TRDN: variants seen among roughly 807,000 people sequenced by gnomAD.
TRDN encodes triadin.
A neutral mutation model predicts 149.7 loss-of-function variants in TRDN; 161 were observed. The observed-to-expected ratio is 1.08, with a 90% CI of 0.95 to 1.23. The LOEUF is 1.23. Ranked by LOEUF, TRDN falls within the 50% of genes most tolerant of loss-of-function variation. TRDN has a pLI of 0.00. For missense variants in TRDN, 896 were observed against 823.5 expected (o/e 1.09, Z -1.08); for synonymous variants, 294 against 250.5 (o/e 1.17, Z -1.64).
At chr6:123,326,449 T>C (rs1215090271) in intron 23 of TRDN, among the ~76,000 whole-genome samples, 2 of 126,086 alleles carry the variant, frequency 1.6e-5, no homozygotes, top group Non-Finnish European at 3.4e-5. Flanking sequence ...GCTTCTAACA[T>C]GTTGAAGCAA....
chr6:123,464,630 T>C (rs1776678955), intron 10 of TRDN: 47 of 1,169,242 alleles, frequency 4.0e-5, no homozygotes, highest in Non-Finnish European at 5.0e-5. Context: ...TAGCCTTATC[T>C]ATTTGTCCCT....
chr6:123,228,763 C>T (rs546710302), intron 38 of TRDN, among the ~76,000 whole-genome samples: 65 of 151,966 alleles, frequency 4.3e-4, no homozygotes, highest in African/African-American at 1.6e-3. Context: ...CATTATGTTG[C>T]CTAACATACC....
intron 19 of TRDN, among the ~76,000 whole-genome samples, chr6:123,374,170 A>C (rs752433135): frequency 6.6e-6 from 1 of 152,184 alleles, no homozygotes; most frequent in Non-Finnish European, 1.5e-5. Flanking sequence ...ATGATTTGGC[A>C]AGCTAATTTG....
intron 10 of TRDN, among the ~76,000 whole-genome samples, chr6:123,461,798 A>G (rs1490498058): frequency 6.6e-6 from 1 of 152,178 alleles, no homozygotes; most frequent in Non-Finnish European, 1.5e-5. Flanking sequence ...CTTTCATGCT[A>G]AGAGCTAAAA....
chr6:123,593,584 C>T (rs1452574608), intron 1 of TRDN, among the ~76,000 whole-genome samples: 1 of 152,188 alleles, frequency 6.6e-6, no homozygotes, highest in Admixed American at 6.5e-5. Flanking sequence ...AAGCTTCTCT[C>T]TTTGGCTTGT....
At chr6:123,225,431 G>A (rs1038222941) in intron 38 of TRDN, among the ~76,000 whole-genome samples, 1 of 151,118 alleles carries the variant, frequency 6.6e-6, no homozygotes, top group Non-Finnish European at 1.5e-5. Flanking sequence ...TTCACTTCTG[G>A]GTATATATCC....
At chr6:123,557,518 C>T (rs796394061) in intron 2 of TRDN, among the ~76,000 whole-genome samples, 1 of 152,246 alleles carries the variant, frequency 6.6e-6, no homozygotes, top group African/African-American at 2.4e-5. Flanking sequence ...CTCTTAATTT[C>T]AGTTCCTTTC....
intron 1 of TRDN, among the ~76,000 whole-genome samples, chr6:123,573,002 T>G (rs1782658319): frequency 6.6e-6 from 1 of 152,104 alleles, no homozygotes; most frequent in Non-Finnish European, 1.5e-5. Context: ...TTTGTGCTCT[T>G]TGAAGACAGG....
chr6:123,527,875 AT>A (rs937131871), intron 5 of TRDN, among the ~76,000 whole-genome samples: 5 of 151,756 alleles, frequency 3.3e-5, no homozygotes, highest in Non-Finnish European at 7.4e-5. Flanking sequence ...ATAAAATAAA[AT>A]AAATTTCTAC....
At chr6:123,246,783 C>T (rs1229472460) in intron 38 of TRDN, among the ~76,000 whole-genome samples, 1 of 124,050 alleles carries the variant, frequency 8.1e-6, no homozygotes, top group African/African-American at 2.7e-5. Flanking sequence ...CTGGCAGAGA[C>T]ATAACAGAAA....
At chr6:123,594,670 A>G (rs1331557094) in intron 1 of TRDN, among the ~76,000 whole-genome samples, 1 of 152,072 alleles carries the variant, frequency 6.6e-6, no homozygotes, top group Non-Finnish European at 1.5e-5. Context: ...TTTATTCAAC[A>G]AAATCCACTA....
intron 9 of TRDN, among the ~76,000 whole-genome samples, chr6:123,494,678 G>A (rs1778359316): frequency 6.6e-6 from 1 of 152,150 alleles, no homozygotes; most frequent in South Asian, 2.1e-4. Flanking sequence ...TGTAGAGTAT[G>A]AATTTCTTGA....
chr6:123,497,112 TAC>T, intron 9 of TRDN, 79 bp downstream of exon 9: 4 of 1,086,164 alleles, frequency 3.7e-6, no homozygotes, highest in Non-Finnish European at 5.1e-6. Context: ...AAAATGAAAA[TAC>T]AGTTAGGTAC....
chr6:123,621,626 A>C (rs1208562254), intron 1 of TRDN, among the ~76,000 whole-genome samples: 1 of 152,134 alleles, frequency 6.6e-6, no homozygotes, highest in Non-Finnish European at 1.5e-5. Flanking sequence ...AACATAGATG[A>C]CTCTTATAAA....
At chr6:123,586,616 G>A (rs1202273268) in intron 1 of TRDN, among the ~76,000 whole-genome samples, 1 of 152,114 alleles carries the variant, frequency 6.6e-6, no homozygotes, top group Non-Finnish European at 1.5e-5. Flanking sequence ...AACTACTGTC[G>A]AGTTTGTATT....
intron 4 of TRDN, among the ~76,000 whole-genome samples, chr6:123,535,051 T>A (rs1780456010): frequency 6.6e-6 from 1 of 152,168 alleles, no homozygotes; most frequent in East Asian, 1.9e-4. Context: ...TTAAAAATTG[T>A]TTTGTGTCTT....
intron 10 of TRDN, among the ~76,000 whole-genome samples, chr6:123,448,322 G>T (rs1471363928): frequency 6.6e-6 from 1 of 152,180 alleles, no homozygotes; most frequent in African/African-American, 2.4e-5. Context: ...GCAGCTGGAA[G>T]GTGGGTAGCC....
chr6:123,514,025 A>G lies in TRDN; in HGVS notation c.551-1663T>C, dbSNP rs1209364120. On this transcript the variant is annotated intron_variant, in intron 6 of 40. Transcript: ENST00000334268. ...GTTAGAATCTTACTTCGTATCATACACTGAGATGGATTTTTGAGGAATTAA... is the reference window on the plus strand; with the variant it reads ...GTTAGAATCTTACTTCGTATCATACGCTGAGATGGATTTTTGAGGAATTAA... Among the ~76,000 whole-genome samples the G allele has an allele frequency of 2.6e-5, 4 of 152,276 alleles. No homozygotes were observed. The East Asian group carries it at 5.8e-4, about 22-fold the overall frequency.
At chr6:123,290,841 G>A (rs1156993196) in intron 24 of TRDN, among the ~76,000 whole-genome samples, 1 of 152,158 alleles carries the variant, frequency 6.6e-6, no homozygotes, top group Non-Finnish European at 1.5e-5. Context: ...AAAGAGAGAT[G>A]TAAAGAATGT....
Sources: gnomAD v4.1 joint callset for allele counts (sites outside exome capture counted in the v4.1 genomes callset) on GRCh38, gnomAD v4.1.1 for gene constraint, MANE v1.5 for transcripts, NCBI Gene and HGNC (gene_info 2026-07-23, HGNC 2026-07-21) for gene names.